Variants in GLT8D2 observed in about 807,000 individuals in gnomAD.
The protein encoded by GLT8D2 is glycosyltransferase 8 domain-containing protein 2.
In GLT8D2, 45 loss-of-function variants were observed where a neutral mutation model predicts 44.5. The observed-to-expected ratio is 1.01, with a 90% CI of 0.80 to 1.30. The LOEUF (loss-of-function observed/expected upper bound fraction) is 1.30. GLT8D2 is among the 50% of genes most tolerant of loss of function. The pLI is 0.00. For synonymous variants in GLT8D2, 156 were observed against 157.2 expected (o/e 0.99, Z 0.06); for missense variants, 400 against 430.4 (o/e 0.93, Z 0.62).
chr12:104,045,949 G>GAA, intron 1 of GLT8D2, among the ~76,000 whole-genome samples: 1 of 145,370 alleles, frequency 6.9e-6, no homozygotes, highest in African/African-American at 2.6e-5. Flanking sequence ...AAGAAAGAAA[G>GAA]AAAGAAAATA....
intron 1 of GLT8D2, among the ~76,000 whole-genome samples, chr12:104,033,544 T>C (rs1217629087): frequency 1.3e-5 from 2 of 152,054 alleles, no homozygotes; most frequent in Admixed American, 1.3e-4. Flanking sequence ...AAGCTTGCCG[T>C]TATAAGATGA....
chr12:104,061,852 TG>T (rs2136565292), intron 1 of GLT8D2, among the ~76,000 whole-genome samples: 1 of 151,332 alleles, frequency 6.6e-6, no homozygotes, highest in Non-Finnish European at 1.5e-5. Context: ...GGTGCATGCC[TG>T]TAATCCCAGC....
chr12:104,057,064 G>T (rs947113378), intron 1 of GLT8D2, among the ~76,000 whole-genome samples: 1 of 152,204 alleles, frequency 6.6e-6, no homozygotes, highest in African/African-American at 2.4e-5. Flanking sequence ...CATTGCCACT[G>T]TTCAACTCCA....
chr12:104,037,076 C>T (rs991344353), intron 1 of GLT8D2, among the ~76,000 whole-genome samples: 4 of 152,068 alleles, frequency 2.6e-5, no homozygotes, highest in East Asian at 3.9e-4. Context: ...GGGTAAATAG[C>T]GAAATGAAGG....
chr12:104,031,581 C>T (rs1263770655), intron 1 of GLT8D2: 2 of 1,609,704 alleles, frequency 1.2e-6, no homozygotes, highest in Non-Finnish European at 1.7e-6. Context: ...GGAGCACCCT[C>T]CCTGCCCATC....
chr12:104,013,030 C>T (rs538886948), intron 4 of GLT8D2, among the ~76,000 whole-genome samples: 3 of 152,166 alleles, frequency 2.0e-5, no homozygotes, highest in Non-Finnish European at 4.4e-5. Context: ...TATGGTCTAG[C>T]CACCTAGTCT....
rs1349931281 is a variant in GLT8D2, at chr12:104,023,089, A to T, written c.-163-1598T>A. The stretch of plus-strand genomic sequence containing the variant: ...TTTTTTTCCAGTCTTCTGGATTTAC[A>T]CGTATTTCCTACTGTGAGTTTCTTT... On this transcript the variant is annotated intron_variant, in intron 1 of 10. Transcript: ENST00000360814. Among the ~76,000 whole-genome samples the T allele has an allele frequency of 2.0e-5, 3 of 152,310 alleles. No homozygotes were observed. The East Asian group carries it at 5.8e-4, about 29-fold the overall frequency.
intron 10 of GLT8D2, among the ~76,000 whole-genome samples, chr12:103,992,399 T>C (rs550890346): frequency 3.9e-5 from 6 of 152,320 alleles, no homozygotes; most frequent in Non-Finnish European, 7.3e-5. Context: ...TTTTGTCCAC[T>C]GTAAGTTACT....
chr12:104,061,115 A>G (rs1236988486), intron 1 of GLT8D2, among the ~76,000 whole-genome samples: 4 of 152,190 alleles, frequency 2.6e-5, no homozygotes, highest in African/African-American at 9.7e-5. Context: ...CCCTACTGAC[A>G]CTTTGATTTC....
rs141593540 is a variant in GLT8D2 at position 104,006,450 on chromosome 12, C to T, written c.113-3144G>A. On this transcript the variant is annotated intron_variant, in intron 4 of 10. Coordinates refer to ENST00000360814, the MANE Select transcript of GLT8D2 (RefSeq NM_001384711.1). The stretch of plus-strand genomic sequence containing the variant: ...CCAATCTGGTCAACTGAAGTTTGTG[C>T]AGAACAAGCTTGCTGATGTCACAGC... 1.3e-5 allele frequency among the ~76,000 whole-genome samples: 2 copies of T among 152,268 alleles called. 1 individual carries two copies. The highest frequency in any genetic ancestry group is 2.9e-5 in the Non-Finnish European group (2 of 68,020).
chr12:104,049,030 T>C (rs1489765936), intron 1 of GLT8D2, among the ~76,000 whole-genome samples: 10 of 152,138 alleles, frequency 6.6e-5, no homozygotes, highest in Non-Finnish European at 1.3e-4. Context: ...TCCAAGTGCA[T>C]TAAAGGGAGA....
Position 104,030,729 on chromosome 12 carries a change from A to C in GLT8D2, c.-163-9238T>G. The C allele has an allele frequency of 1.9e-6, 3 of 1,611,826 alleles. No homozygotes were observed. The African/African-American group carries it at 4.0e-5, about 22-fold the overall frequency. The stretch of plus-strand genomic sequence containing the variant: ...AACTTGATTTAAAAATAGGCAAAGG[A>C]CTCCGGAATCTGCTAATCCCAGTCG... On this transcript the variant is annotated intron_variant, in intron 1 of 10. Transcript: ENST00000360814.
upstream of GLT8D2, among the ~76,000 whole-genome samples, chr12:104,051,971 C>T (rs1881766323): frequency 6.6e-6 from 1 of 151,918 alleles, no homozygotes. Context: ...AATACACACT[C>T]AAAATATGTA....
chr12:104,017,024 G>A (rs1177866415), intron 3 of GLT8D2, among the ~76,000 whole-genome samples: 2 of 152,134 alleles, frequency 1.3e-5, no homozygotes, highest in African/African-American at 2.4e-5. Context: ...GTAGAGTGGT[G>A]TAAAACAGTG....
chr12:104,024,538 T>C (rs1397703765), intron 1 of GLT8D2, among the ~76,000 whole-genome samples: 3 of 152,240 alleles, frequency 2.0e-5, no homozygotes, highest in African/African-American at 7.2e-5. Context: ...CCAGTTGCTC[T>C]GTGTTCTTGT....
intron 1 of GLT8D2, among the ~76,000 whole-genome samples, chr12:104,028,121 G>A (rs1878803519): frequency 6.6e-6 from 1 of 152,164 alleles, no homozygotes; most frequent in African/African-American, 2.4e-5. Flanking sequence ...GAAGCTTTAG[G>A]ATGCAGATAA....
At chr12:103,999,543 T>C (rs1329215610) in intron 5 of GLT8D2, 29 bp from the exon 6 acceptor site, 22 of 1,321,512 alleles carry the variant, frequency 1.7e-5, no homozygotes, top group Non-Finnish European at 2.4e-5. Context: ...AAACCTCTAG[T>C]ATACCCTTCA....
At chr12:104,002,822 G>C (rs1024883052) in intron 5 of GLT8D2, among the ~76,000 whole-genome samples, 3 of 152,100 alleles carry the variant, frequency 2.0e-5, no homozygotes, top group Non-Finnish European at 4.4e-5. Flanking sequence ...GCATGCACTT[G>C]TAGTCTCAGC....
chr12:104,018,521 G>A (rs1555279233), intron 3 of GLT8D2, among the ~76,000 whole-genome samples: 1 of 152,116 alleles, frequency 6.6e-6, no homozygotes, highest in Non-Finnish European at 1.5e-5. Context: ...CTACAGAGAA[G>A]CAGAAAATGG....
Sources: allele counts gnomAD v4.1 joint callset (sites outside exome capture counted in the v4.1 genomes callset), GRCh38; gene constraint gnomAD v4.1.1; transcripts MANE v1.5; gene names NCBI Gene and HGNC (gene_info 2026-07-23, HGNC 2026-07-21).